The following PTPRT variants were observed in gnomAD, a reference collection of about 807,000 sequenced individuals.
PTPRT encodes the protein protein tyrosine phosphatase receptor type T.
Under a neutral mutation model 176.8 loss-of-function variants are expected in PTPRT, and 56 were observed. The observed-to-expected ratio is 0.32, with a 90% CI of 0.26 to 0.40. The LOEUF (loss-of-function observed/expected upper bound fraction) is 0.40, where lower values mean the gene tolerates loss of function less well. Among genes scored for constraint, PTPRT ranks in the 10% least tolerant of loss-of-function variants. PTPRT has a pLI of 1.00. For synonymous variants in PTPRT, 783 were observed against 739.0 expected (o/e 1.06, Z -0.96); for missense variants, 1,540 against 1,908.2 (o/e 0.81, Z 3.60).
At chr20:42,579,956 T>C (rs2073340462) in intron 7 of PTPRT, among the ~76,000 whole-genome samples, 1 of 152,210 alleles carries the variant, frequency 6.6e-6, no homozygotes. Context: ...GCTTTTGGTG[T>C]TTTAGTCATG....
chr20:42,921,813 T>A (rs1979164296), intron 1 of PTPRT, among the ~76,000 whole-genome samples: 1 of 152,152 alleles, frequency 6.6e-6, no homozygotes, highest in South Asian at 2.1e-4. Flanking sequence ...CCCATGACCC[T>A]CATGTAGCTG....
At chr20:42,143,936 C>A (rs147496672) in intron 17 of PTPRT, among the ~76,000 whole-genome samples, 98 of 152,322 alleles carry the variant, frequency 6.4e-4, no homozygotes, top group Non-Finnish European at 1.1e-3. Flanking sequence ...CTGATCAATT[C>A]GCATCCAGTA....
At chr20:42,570,935 A>G (rs570532788) in intron 7 of PTPRT, among the ~76,000 whole-genome samples, 6 of 151,334 alleles carry the variant, frequency 4.0e-5, no homozygotes, top group African/African-American at 1.5e-4. Context: ...TAGAACACGG[A>G]CATAGACATT....
Position 42,322,454 on chromosome 20 carries a change from C to T in PTPRT, c.1866-6458G>A, listed in dbSNP as rs1176474279. ...AGAACAGAGCCCTCAGAAATAACGC[C>T]GCATATCTACAACTGTCTGATCTTT... On this transcript the variant is annotated intron_variant, in intron 11 of 30. Coordinates refer to ENST00000373187, the MANE Select transcript of PTPRT (RefSeq NM_007050.6). Among the ~76,000 whole-genome samples, 10 of 106,852 alleles carry T rather than the reference C, an allele frequency of 9.4e-5. 2 individuals are homozygous for T. The highest frequency in any genetic ancestry group is 2.9e-4 in the African/African-American group (4 of 13,570). 70.1% of individuals were successfully genotyped at this position (106,852 alleles called of 152,430 possible). A position where few individuals can be genotyped will look rare whatever the true frequency, so the allele number is the denominator to read the frequency against.
At position 42,634,075 on chromosome 20, in the gene PTPRT, AAT is replaced by A. The variant is rs1178191826; in HGVS notation, c.1153+43789_1153+43790del. Among the ~76,000 whole-genome samples, 128 of 43,188 alleles carry A rather than the reference AAT, an allele frequency of 3.0e-3. 1 individual carries two copies. The highest frequency in any genetic ancestry group is 8.4e-3 in the African/African-American group (73 of 8,740). 28.3% of individuals were successfully genotyped at this position (43,188 alleles called of 152,430 possible). ...TATTATAAATATATAATATATATAT[AAT>A]ATATATATAATATAATAATATATAT... On this transcript the variant is annotated intron_variant, in intron 7 of 30. Coordinates refer to ENST00000373187, the MANE Select transcript of PTPRT (RefSeq NM_007050.6).
At chr20:42,057,209 C>T in the PTPRT span, among the ~76,000 whole-genome samples, 1 of 152,280 alleles carries the variant, frequency 6.6e-6, no homozygotes, top group Admixed American at 6.5e-5. Context: ...CACTGTCCTA[C>T]TTAGCTAGGT....
the PTPRT span, among the ~76,000 whole-genome samples, chr20:42,056,308 G>C: frequency 6.6e-6 from 1 of 152,182 alleles, no homozygotes; most frequent in Non-Finnish European, 1.5e-5. Flanking sequence ...ATAGGGCCAA[G>C]TCAGGCTGTG....
At chr20:42,352,356 G>C in intron 9 of PTPRT, 71 bp from the exon 10 acceptor site, 1 of 1,522,064 alleles carries the variant, frequency 6.6e-7, no homozygotes, top group Non-Finnish European at 9.1e-7. Flanking sequence ...AGCTCCTTTA[G>C]AGGAACCTTA....
At chr20:42,979,977 C>T (rs866882159) in intron 1 of PTPRT, among the ~76,000 whole-genome samples, 1 of 15,756 alleles carries the variant, frequency 6.3e-5, no homozygotes, top group African/African-American at 3.2e-4. Context: ...GTATGCCGGC[C>T]GGGAAGGGGG....
intron 1 of PTPRT, among the ~76,000 whole-genome samples, chr20:42,888,043 T>G (rs2079130717): frequency 6.6e-6 from 1 of 152,174 alleles, no homozygotes; most frequent in African/African-American, 2.4e-5. Flanking sequence ...CACCTTGATC[T>G]TGAACTTGCC....
At chr20:42,265,535 C>A (rs2056824740) in intron 13 of PTPRT, among the ~76,000 whole-genome samples, 1 of 151,898 alleles carries the variant, frequency 6.6e-6, no homozygotes, top group Admixed American at 6.6e-5. Flanking sequence ...AATGCTTTGT[C>A]CCCCAGAGCT....
intron 1 of PTPRT, among the ~76,000 whole-genome samples, chr20:42,985,547 A>C (rs1983524456): frequency 6.6e-6 from 1 of 152,028 alleles, no homozygotes; most frequent in African/African-American, 2.4e-5. Context: ...ACAGAACAGA[A>C]CCCAACAGAA....
intron 2 of PTPRT, among the ~76,000 whole-genome samples, chr20:42,814,687 A>T (rs2077753559): frequency 6.6e-6 from 1 of 152,220 alleles, no homozygotes; most frequent in Non-Finnish European, 1.5e-5. Flanking sequence ...GAGGTGGGTG[A>T]CACAAGAATT....
chr20:42,843,567 G>A (rs1157395501), intron 2 of PTPRT, among the ~76,000 whole-genome samples: 3 of 152,236 alleles, frequency 2.0e-5, no homozygotes, highest in Non-Finnish European at 4.4e-5. Context: ...ACCTCTGGTG[G>A]CCTGAATTTA....
At chr20:42,744,892 C>T (rs2076669759) in intron 6 of PTPRT, among the ~76,000 whole-genome samples, 1 of 152,178 alleles carries the variant, frequency 6.6e-6, no homozygotes, top group Non-Finnish European at 1.5e-5. Context: ...ATCACAGGGC[C>T]CTAGTGATTG....
At chr20:42,067,439 C>T in the PTPRT span, among the ~76,000 whole-genome samples, 1 of 150,938 alleles carries the variant, frequency 6.6e-6, no homozygotes, top group African/African-American at 2.4e-5. Flanking sequence ...TTGCTGCAAG[C>T]TGCTTACTCT....
intron 13 of PTPRT, among the ~76,000 whole-genome samples, chr20:42,252,481 A>G (rs1428911533): frequency 2.0e-5 from 3 of 152,148 alleles, no homozygotes; most frequent in Non-Finnish European, 4.4e-5. Flanking sequence ...GTAGAGGGAG[A>G]TAAGCCTGAA....
chr20:42,259,116 A>G (rs969848460), intron 13 of PTPRT, among the ~76,000 whole-genome samples: 3 of 152,206 alleles, frequency 2.0e-5, no homozygotes, highest in Admixed American at 6.5e-5. Flanking sequence ...AGGCCACTCA[A>G]ATAAATTGTT....
intron 1 of PTPRT, among the ~76,000 whole-genome samples, chr20:43,123,387 C>A (rs960179939): frequency 2.6e-5 from 4 of 152,180 alleles, no homozygotes; most frequent in Admixed American, 2.6e-4. Context: ...CTCCTCGAAT[C>A]TACTCTTTCC....
Sources: allele counts gnomAD v4.1 joint callset (sites outside exome capture counted in the v4.1 genomes callset), GRCh38; gene constraint gnomAD v4.1.1; transcripts MANE v1.5; gene names NCBI Gene and HGNC (gene_info 2026-07-23, HGNC 2026-07-21).